Variants in NELL1 observed in about 807,000 individuals in gnomAD.
The protein encoded by NELL1 is neural EGFL like 1, also known as protein kinase C-binding protein NELL1.
A neutral mutation model predicts 107.4 loss-of-function variants in NELL1; 76 were observed. The ratio of observed to expected loss-of-function variants is 0.71; its 90% CI spans 0.59 to 0.86. The LOEUF is 0.86. Ranked by LOEUF, NELL1 falls within the 40% of genes least tolerant of loss-of-function variation. The probability of loss-of-function intolerance (pLI) is 0.00; values close to 1 mark genes in which losing one functional copy is unlikely to be tolerated. For missense variants in NELL1, 1,024 were observed against 1,005.5 expected (o/e 1.02, Z -0.25); for synonymous variants, 353 against 341.2 (o/e 1.03, Z -0.38).
intron 13 of NELL1, among the ~76,000 whole-genome samples, chr11:21,195,480 C>T (rs1201714884): frequency 2.0e-5 from 3 of 151,006 alleles, no homozygotes; most frequent in African/African-American, 2.4e-5. Context: ...TTCCTTCCCA[C>T]ATTTACTTCA....
At chr11:21,546,879 A>G (rs1856456678) in intron 16 of NELL1, among the ~76,000 whole-genome samples, 1 of 152,014 alleles carries the variant, frequency 6.6e-6, no homozygotes, top group Non-Finnish European at 1.5e-5. Context: ...AGCAGGGAAT[A>G]TTAAACTATA....
chr11:21,087,844 C>T (rs995155383), intron 12 of NELL1, among the ~76,000 whole-genome samples: 1 of 152,170 alleles, frequency 6.6e-6, no homozygotes, highest in African/African-American at 2.4e-5. Context: ...CTTGCTTATG[C>T]ATTACCTATG....
intron 4 of NELL1, among the ~76,000 whole-genome samples, chr11:20,882,480 C>T (rs1282423653): frequency 6.6e-6 from 1 of 152,172 alleles, no homozygotes; most frequent in Non-Finnish European, 1.5e-5. Context: ...AAGGAACAAT[C>T]ATATTTGCCC....
At chr11:21,565,339 T>C (rs1383663317) in intron 17 of NELL1, among the ~76,000 whole-genome samples, 1 of 151,914 alleles carries the variant, frequency 6.6e-6, no homozygotes, top group African/African-American at 2.4e-5. Context: ...TTCAAAACCC[T>C]GTTTTGACCT....
intron 13 of NELL1, among the ~76,000 whole-genome samples, chr11:21,151,202 G>A (rs1039557436): frequency 6.6e-6 from 1 of 152,138 alleles, no homozygotes; most frequent in Non-Finnish European, 1.5e-5. Context: ...TAGCTGTGTA[G>A]CTAGGCTCTG....
intron 12 of NELL1, among the ~76,000 whole-genome samples, chr11:21,110,811 A>C (rs1235954675): frequency 6.6e-6 from 1 of 152,126 alleles, no homozygotes; most frequent in Non-Finnish European, 1.5e-5. Context: ...GCTCCAATCA[A>C]TTCTCTTCAC....
At chr11:21,416,303 G>A (rs926388831) in intron 15 of NELL1, among the ~76,000 whole-genome samples, 16 of 152,054 alleles carry the variant, frequency 1.1e-4, no homozygotes, top group Non-Finnish European at 1.9e-4. Context: ...TACCTTGGAT[G>A]GGATAATTTA....
intron 2 of NELL1, among the ~76,000 whole-genome samples, chr11:20,709,800 T>A (rs1205032881): frequency 6.6e-6 from 1 of 152,118 alleles, no homozygotes; most frequent in African/African-American, 2.4e-5. Flanking sequence ...TTATTCTTAT[T>A]TTTTGCAGCT....
chr11:21,022,951 AAG>A (rs1852734645), intron 12 of NELL1, among the ~76,000 whole-genome samples: 1 of 152,044 alleles, frequency 6.6e-6, no homozygotes, highest in Non-Finnish European at 1.5e-5. Context: ...TGTGATAGGA[AAG>A]AAGGGCCACA....
chr11:21,479,757 T>C (rs1289908255), intron 15 of NELL1, among the ~76,000 whole-genome samples: 12 of 152,150 alleles, frequency 7.9e-5, no homozygotes, highest in Admixed American at 7.2e-4. Flanking sequence ...CCTGTTGTGA[T>C]TATTACACAT....
chr11:20,736,651 A>G (rs76486844), intron 2 of NELL1, among the ~76,000 whole-genome samples: 1,847 of 152,126 alleles, frequency 0.012, 37 homozygotes, highest in African/African-American at 0.042. Context: ...TTAAATCATG[A>G]AGTTCTTTAT....
At chr11:21,408,097 C>A (rs1348602103) in intron 15 of NELL1, among the ~76,000 whole-genome samples, 1 of 151,920 alleles carries the variant, frequency 6.6e-6, no homozygotes, top group Admixed American at 6.6e-5. Flanking sequence ...TCATGGAGAG[C>A]AGCATGAGTT....
At chr11:21,484,104 C>T (rs1011854053) in intron 15 of NELL1, among the ~76,000 whole-genome samples, 1 of 143,994 alleles carries the variant, frequency 6.9e-6, no homozygotes, top group African/African-American at 2.6e-5. Flanking sequence ...TCTTGAGTAG[C>T]GGAACTTAAG....
At chr11:21,201,136 A>G (rs1857260544) in intron 13 of NELL1, among the ~76,000 whole-genome samples, 2 of 152,032 alleles carry the variant, frequency 1.3e-5, no homozygotes, top group African/African-American at 2.4e-5. Flanking sequence ...TTCCATATGA[A>G]ATTTAAAGTA....
intron 16 of NELL1, among the ~76,000 whole-genome samples, chr11:21,540,476 G>A (rs926083558): frequency 3.3e-5 from 5 of 151,952 alleles, no homozygotes; most frequent in African/African-American, 7.2e-5. Flanking sequence ...GTCTGTTCTC[G>A]CACTACTATA....
intron 14 of NELL1, among the ~76,000 whole-genome samples, chr11:21,251,252 G>A (rs1411473934): frequency 1.3e-5 from 2 of 152,084 alleles, no homozygotes; most frequent in African/African-American, 4.8e-5. Flanking sequence ...ATGACAGTAT[G>A]TGATGGACAG....
chr11:20,969,445 G>T (rs1412416070), intron 12 of NELL1, among the ~76,000 whole-genome samples: 1 of 152,104 alleles, frequency 6.6e-6, no homozygotes, highest in Non-Finnish European at 1.5e-5. Context: ...TTATAATTAA[G>T]AGAGTCTTCA....
At chr11:20,809,402 T>G (rs1393715344) in intron 3 of NELL1, among the ~76,000 whole-genome samples, 1 of 152,168 alleles carries the variant, frequency 6.6e-6, no homozygotes, top group African/African-American at 2.4e-5. Context: ...CTTCTAGCTA[T>G]TTTGAAATAT....
intron 11 of NELL1, 43 bp from the exon 12 acceptor site, chr11:20,960,389 A>G: frequency 6.3e-7 from 1 of 1,598,132 alleles, no homozygotes; most frequent in African/African-American, 1.3e-5. Flanking sequence ...GAGTTACTTT[A>G]TTTCCTCCTT....
Sources: gnomAD v4.1 joint callset for allele counts (sites outside exome capture counted in the v4.1 genomes callset) on GRCh38, gnomAD v4.1.1 for gene constraint, MANE v1.5 for transcripts, NCBI Gene and HGNC (gene_info 2026-07-23, HGNC 2026-07-21) for gene names.